Variants in TRIM44 observed in about 807,000 individuals in gnomAD.
The protein encoded by TRIM44 is tripartite motif containing 44.
In TRIM44, 13 loss-of-function variants were observed where a neutral mutation model predicts 37.4. That is an observed-to-expected ratio of 0.35 (90% CI 0.23 to 0.55). The LOEUF (loss-of-function observed/expected upper bound fraction) is 0.55, where lower values mean the gene tolerates loss of function less well. Among genes scored for constraint, TRIM44 ranks in the 20% least tolerant of loss-of-function variants. The pLI is 0.89. For missense variants in TRIM44, 426 were observed against 437.2 expected, an observed-to-expected ratio of 0.97 and a Z score of 0.23; for synonymous variants, 175 against 157.2, an observed-to-expected ratio of 1.11 and a Z score of -0.85.
chr11:35,705,396 T>C (rs1394256001), intron 2 of TRIM44, among the ~76,000 whole-genome samples: 1 of 152,148 alleles, frequency 6.6e-6, no homozygotes, highest in African/African-American at 2.4e-5. Flanking sequence ...TGAACTCAGC[T>C]CTGCACCAAG....
At chr11:35,729,480 G>A (rs1479187841) in intron 3 of TRIM44, among the ~76,000 whole-genome samples, 2 of 152,070 alleles carry the variant, frequency 1.3e-5, no homozygotes, top group African/African-American at 4.8e-5. Flanking sequence ...CTTCGTTTTG[G>A]AGACTGTAGA....
intron 2 of TRIM44, among the ~76,000 whole-genome samples, chr11:35,706,286 A>G (rs1319397317): frequency 6.6e-6 from 1 of 151,314 alleles, no homozygotes; most frequent in South Asian, 2.1e-4. Flanking sequence ...TACCAACCAA[A>G]AAGAGTCCAG....
chr11:35,725,066 T>TCACACACA (rs59413888), intron 2 of TRIM44, among the ~76,000 whole-genome samples: 179 of 141,154 alleles, frequency 1.3e-3, no homozygotes, highest in Middle Eastern at 3.6e-3. Flanking sequence ...ATGCACACAC[T>TCACACACA]CACACACACA....
chr11:35,725,995 G>A lies in TRIM44; in HGVS notation c.819G>A (p.Glu273=). 1 of 1,614,054 alleles carries A rather than the reference G, an allele frequency of 6.2e-7. No homozygotes were observed. The highest frequency in any genetic ancestry group is 8.5e-7 in the Non-Finnish European group (1 of 1,179,988). ...AAGTTCAGAAAGTGATTGCTGATGAGGAGCAGAAGGCCCTTCATCTAGTGG... is the reference window on the plus strand; with the variant it reads ...AAGTTCAGAAAGTGATTGCTGATGAAGAGCAGAAGGCCCTTCATCTAGTGG... ...FKKVQKVIAD[E]EQKALHLVDI... is the part of the protein sequence containing the mutation. Residue 273 remains glutamate (E), a synonymous_variant, in exon 3 of 5, where the codon GAG becomes GAA. Transcript: ENST00000299413.
intron 4 of TRIM44, among the ~76,000 whole-genome samples, chr11:35,753,076 T>C (rs1852578629): frequency 6.6e-6 from 1 of 152,216 alleles, no homozygotes; most frequent in Admixed American, 6.5e-5. Context: ...TGGTTTGGAA[T>C]AGGAAAGTCT....
intron 2 of TRIM44, among the ~76,000 whole-genome samples, chr11:35,701,705 T>C (rs1260574372): frequency 6.6e-6 from 1 of 152,190 alleles, no homozygotes; most frequent in Admixed American, 6.5e-5. Flanking sequence ...AAGGTACCCC[T>C]CTTTATGACA....
rs376070387 is a variant in TRIM44, at chr11:35,805,820, CCTA to C, written c.1008-535_1008-533del. Among the ~76,000 whole-genome samples, 277 of 152,314 alleles carry C rather than the reference CCTA, an allele frequency of 1.8e-3. 1 individual carries two copies. The highest frequency in any genetic ancestry group is 6.8e-3 in the Middle Eastern group (2 of 294). ...ATAAGATAGAGAATCACCAGGGAGTCCTACTTAGTAGAGTACCTTCTCTGACGA... is the reference window on the plus strand; with the variant it reads ...ATAAGATAGAGAATCACCAGGGAGTCCTTAGTAGAGTACCTTCTCTGACGA... On this transcript the variant is annotated intron_variant, in intron 4 of 4. Coordinates refer to ENST00000299413, the MANE Select transcript of TRIM44 (RefSeq NM_017583.6).
At chr11:35,764,181 C>T (rs548734146) in intron 4 of TRIM44, among the ~76,000 whole-genome samples, 1 of 152,260 alleles carries the variant, frequency 6.6e-6, no homozygotes, top group East Asian at 1.9e-4. Context: ...CATTTGGTCC[C>T]TCTTTGTTGT....
intron 4 of TRIM44, among the ~76,000 whole-genome samples, chr11:35,777,347 GTC>G (rs1473471382): frequency 6.6e-6 from 1 of 152,098 alleles, no homozygotes; most frequent in African/African-American, 2.4e-5. Context: ...GCCTATGTGT[GTC>G]TCTGCATGTG....
intron 1 of TRIM44, among the ~76,000 whole-genome samples, chr11:35,684,769 C>CCAGTTAAAAGCAA (rs1196974266): frequency 6.6e-6 from 1 of 152,156 alleles, no homozygotes; most frequent in African/African-American, 2.4e-5. Flanking sequence ...TGCAAGCTAC[C>CCAGTTAAAAGCAA]ACACCCAGTT....
At chr11:35,675,491 G>A (rs375363748) in intron 1 of TRIM44, among the ~76,000 whole-genome samples, 5 of 152,098 alleles carry the variant, frequency 3.3e-5, no homozygotes, top group African/African-American at 1.2e-4. Flanking sequence ...GATGACTGCT[G>A]GAGGTCCAAG....
chr11:35,685,117 C>T (rs2135490647), intron 1 of TRIM44, 142 bp from the exon 2 acceptor site: 2 of 634,122 alleles, frequency 3.2e-6, no homozygotes, highest in East Asian at 5.5e-5. Flanking sequence ...GAAAGAGGGG[C>T]AATGCACCTC....
chr11:35,764,052 G>C (rs1852761278), intron 4 of TRIM44, among the ~76,000 whole-genome samples: 1 of 152,152 alleles, frequency 6.6e-6, no homozygotes, highest in Non-Finnish European at 1.5e-5. Context: ...CACAGAATCA[G>C]AAACTTTGGC....
At chr11:35,755,888 T>G (rs1220659059) in intron 4 of TRIM44, among the ~76,000 whole-genome samples, 1 of 152,218 alleles carries the variant, frequency 6.6e-6, no homozygotes, top group Non-Finnish European at 1.5e-5. Context: ...ACCAGTACCA[T>G]GCTGTTTTGG....
chr11:35,733,541 A>G (rs1313447505), intron 3 of TRIM44, among the ~76,000 whole-genome samples: 2 of 152,132 alleles, frequency 1.3e-5, no homozygotes, highest in Admixed American at 6.6e-5. Context: ...CACCATCCCT[A>G]TACCCTCCCT....
At chr11:35,725,159 T>G (rs1189091397) in intron 2 of TRIM44, among the ~76,000 whole-genome samples, 2 of 152,012 alleles carry the variant, frequency 1.3e-5, no homozygotes, top group African/African-American at 4.8e-5. Flanking sequence ...AGTTGATCTG[T>G]ATGCACAAAT....
intron 4 of TRIM44, among the ~76,000 whole-genome samples, chr11:35,759,513 C>G (rs1027184546): frequency 6.6e-6 from 1 of 152,246 alleles, no homozygotes; most frequent in African/African-American, 2.4e-5. Flanking sequence ...CAAAGTCATT[C>G]TCTGTCCAGC....
At chr11:35,708,816 A>G (rs770228793) in intron 2 of TRIM44, among the ~76,000 whole-genome samples, 8 of 152,052 alleles carry the variant, frequency 5.3e-5, no homozygotes, top group Non-Finnish European at 1.0e-4. Flanking sequence ...ATGCTAAATG[A>G]CTAGTTAATG....
chr11:35,745,107 A>C (rs1852469444), intron 4 of TRIM44, among the ~76,000 whole-genome samples: 1 of 152,212 alleles, frequency 6.6e-6, no homozygotes, highest in African/African-American at 2.4e-5. Context: ...TGCTGGGTCA[A>C]ATGGTATTTC....
Sources: allele counts gnomAD v4.1 joint callset (sites outside exome capture counted in the v4.1 genomes callset), GRCh38; gene constraint gnomAD v4.1.1; transcripts MANE v1.5; gene names NCBI Gene and HGNC (gene_info 2026-07-23, HGNC 2026-07-21).